MTUS2: variants seen among roughly 807,000 people sequenced by gnomAD.
The protein encoded by MTUS2 is microtubule-associated tumor suppressor candidate 2.
A neutral mutation model predicts 114.1 loss-of-function variants in MTUS2; 40 were observed. The ratio of observed to expected loss-of-function variants is 0.35; its 90% CI spans 0.27 to 0.46. The LOEUF (loss-of-function observed/expected upper bound fraction) is 0.46, where lower values mean the gene tolerates loss of function less well. Ranked by LOEUF, MTUS2 falls within the 20% of genes least tolerant of loss-of-function variation. The pLI is 1.00. For synonymous variants in MTUS2, 688 were observed against 672.0 expected (o/e 1.02, Z -0.37); for missense variants, 1,679 against 1,705.4 (o/e 0.98, Z 0.27).
At chr13:28,834,144 G>A (rs1874903342) in intron 1 of MTUS2, among the ~76,000 whole-genome samples, 1 of 152,200 alleles carries the variant, frequency 6.6e-6, no homozygotes, top group African/African-American at 2.4e-5. Flanking sequence ...AAAACACAGA[G>A]GTCTTTTCCT....
At chr13:29,064,764 T>G (rs1888586556) in intron 4 of MTUS2, among the ~76,000 whole-genome samples, 1 of 152,158 alleles carries the variant, frequency 6.6e-6, no homozygotes, top group African/African-American at 2.4e-5. Context: ...TAGATATTTT[T>G]TCTGCTCCTC....
At chr13:29,168,399 A>G (rs1593550805) in intron 5 of MTUS2, among the ~76,000 whole-genome samples, 1 of 152,278 alleles carries the variant, frequency 6.6e-6, no homozygotes, top group African/African-American at 2.4e-5. Flanking sequence ...ACTTACAAAA[A>G]TCTTTGGATT....
chr13:29,182,206 C>G (rs952130473), intron 5 of MTUS2, among the ~76,000 whole-genome samples: 1 of 152,218 alleles, frequency 6.6e-6, no homozygotes, highest in African/African-American at 2.4e-5. Context: ...CCTTGATTCT[C>G]TCTCTTTCTC....
chr13:28,894,319 A>AGGGGGG (rs1879127674), intron 2 of MTUS2, among the ~76,000 whole-genome samples: 1 of 2,946 alleles, frequency 3.4e-4, no homozygotes, highest in South Asian at 0.023. Context: ...GGGGGGAGGG[A>AGGGGGG]GGGAGGGAGG....
intron 9 of MTUS2, among the ~76,000 whole-genome samples, chr13:29,445,696 C>G (rs1056708979): frequency 4.6e-5 from 7 of 151,940 alleles, no homozygotes; most frequent in Non-Finnish European, 1.0e-4. Flanking sequence ...CACTTGAGGC[C>G]AGGAGTTCAA....
chr13:29,186,468 A>G (rs957110355), intron 5 of MTUS2, among the ~76,000 whole-genome samples: 1 of 152,224 alleles, frequency 6.6e-6, no homozygotes, highest in Admixed American at 6.5e-5. Flanking sequence ...GATCCAAAAG[A>G]TATTTAATGT....
intron 2 of MTUS2, among the ~76,000 whole-genome samples, chr13:28,948,382 A>G (rs552997944): frequency 1.3e-5 from 2 of 152,262 alleles, no homozygotes; most frequent in East Asian, 1.9e-4. Flanking sequence ...GGAGGCATTT[A>G]TTGGTTCTGT....
intron 5 of MTUS2, among the ~76,000 whole-genome samples, chr13:29,264,347 G>T (rs1450448231): frequency 1.3e-5 from 2 of 152,246 alleles, no homozygotes; most frequent in Non-Finnish European, 2.9e-5. Context: ...GGAGTTGAGT[G>T]CCTGTGGCTT....
intron 8 of MTUS2, among the ~76,000 whole-genome samples, chr13:29,422,439 T>G (rs1876175424): frequency 6.6e-6 from 1 of 152,210 alleles, no homozygotes; most frequent in African/African-American, 2.4e-5. Flanking sequence ...TAGGTAATGC[T>G]TATCATTAGT....
chr13:28,844,276 T>A (rs1231098489), intron 2 of MTUS2, among the ~76,000 whole-genome samples: 3 of 152,186 alleles, frequency 2.0e-5, no homozygotes, highest in African/African-American at 7.2e-5. Flanking sequence ...GGAGAATGAA[T>A]TAAATGACAT....
At chr13:29,212,984 A>T (rs7337727) in intron 5 of MTUS2, among the ~76,000 whole-genome samples, 6,903 of 152,192 alleles carry the variant, frequency 0.045, 532 homozygotes, top group African/African-American at 0.16. Context: ...TCCCAAAACT[A>T]TCCAGGAACC....
intron 9 of MTUS2, among the ~76,000 whole-genome samples, chr13:29,442,634 A>ACATGGTATCTCC (rs11273920): frequency 6.6e-6 from 1 of 152,152 alleles, no homozygotes; most frequent in Non-Finnish European, 1.5e-5. Flanking sequence ...CCAAACCAGC[A>ACATGGTATCTCC]CAGGGAGGCA....
intron 5 of MTUS2, among the ~76,000 whole-genome samples, chr13:29,186,439 A>T (rs2139177666): frequency 6.6e-6 from 1 of 152,374 alleles, no homozygotes; most frequent in Middle Eastern, 3.4e-3. Flanking sequence ...TTCAAAAAAC[A>T]TGGGAAAAAT....
intron 1 of MTUS2, among the ~76,000 whole-genome samples, chr13:28,834,474 G>A (rs1239534554): frequency 1.3e-5 from 2 of 152,118 alleles, no homozygotes; most frequent in Non-Finnish European, 2.9e-5. Flanking sequence ...GGAATAACTA[G>A]ATGCCTATGT....
intron 15 of MTUS2, among the ~76,000 whole-genome samples, chr13:29,501,994 G>T (rs1882946957): frequency 6.6e-6 from 1 of 152,170 alleles, no homozygotes; most frequent in Admixed American, 6.5e-5. Flanking sequence ...ACATGTACAT[G>T]CTTATTCTCA....
chr13:28,821,925 T>A (rs767315676), intron 1 of MTUS2, among the ~76,000 whole-genome samples: 1 of 152,228 alleles, frequency 6.6e-6, no homozygotes, highest in African/African-American at 2.4e-5. Flanking sequence ...GAGTAGTTGA[T>A]GTTTATTAGG....
chr13:28,987,404 G>C (rs903535448), intron 2 of MTUS2, among the ~76,000 whole-genome samples: 2 of 152,126 alleles, frequency 1.3e-5, no homozygotes, highest in African/African-American at 2.4e-5. Context: ...GCCTACTAGA[G>C]GGGGAGAAAG....
chr13:29,088,011 A>T lies in MTUS2; in HGVS notation c.2447-12762A>T, dbSNP rs138237432. Among the ~76,000 whole-genome samples, 23 of 149,540 alleles carry T rather than the reference A, an allele frequency of 1.5e-4. 1 individual carries two copies. The East Asian group carries it at 3.8e-3, about 25-fold the overall frequency. ...GAGGCGGAGCTTGCAGTGGGCTGAG[A>T]TCATGCCACTGCACTCCAGCCTGGG... On this transcript the variant is annotated intron_variant, in intron 4 of 15. Transcript: ENST00000612955.
At chr13:29,003,185 G>T (rs931111281) in intron 2 of MTUS2, among the ~76,000 whole-genome samples, 1 of 152,160 alleles carries the variant, frequency 6.6e-6, no homozygotes, top group Non-Finnish European at 1.5e-5. Context: ...GTTACATGCC[G>T]CTTACTGTGT....
Sources: allele counts gnomAD v4.1 joint callset (sites outside exome capture counted in the v4.1 genomes callset), GRCh38; gene constraint gnomAD v4.1.1; transcripts MANE v1.5; gene names NCBI Gene and HGNC (gene_info 2026-07-23, HGNC 2026-07-21).